ECEL1: variants seen among roughly 807,000 people sequenced by gnomAD.
ECEL1 encodes endothelin converting enzyme like 1, also known as endothelin-converting enzyme-like 1.
In ECEL1, 87 loss-of-function variants were observed where a neutral mutation model predicts 101.8. That is an observed-to-expected ratio of 0.85 (90% confidence interval 0.72 to 1.02). The LOEUF is 1.02. Ranked by LOEUF, ECEL1 falls within the 50% of genes least tolerant of loss-of-function variation. The pLI is 0.00. For missense variants in ECEL1, 1,032 were observed against 1,079.2 expected, an observed-to-expected ratio of 0.96 and a Z score of 0.61; for synonymous variants, 487 against 468.7, an observed-to-expected ratio of 1.04 and a Z score of -0.50.
In ECEL1 at chr2:232,480,395, A is replaced by T. The variant is rs200522532; in HGVS notation, c.2228+4T>A. On this transcript the variant is annotated splice_donor_region_variant and intron_variant, in intron 17 of 17. Coordinates refer to ENST00000304546, the MANE Select transcript of ECEL1 (RefSeq NM_004826.4). ...GACAAGGCCAGGCGGGCAGGTGGGCATACCTGTAGTGCTCAGGGGCATGCT... is the reference window on the plus strand; with the variant it reads ...GACAAGGCCAGGCGGGCAGGTGGGCTTACCTGTAGTGCTCAGGGGCATGCT... The T allele has an allele frequency of 1.2e-4, 196 of 1,613,842 alleles. No individual in the cohort carries two copies. The highest frequency in any genetic ancestry group is 1.7e-4 in the Middle Eastern group (1 of 6,054).
In ECEL1 at chr2:232,484,079, G is replaced by GC; in HGVS notation, c.1328dup (p.Gln444ProfsTer17). On this transcript the variant is annotated frameshift_variant, in exon 7 of 18. Transcript: ENST00000304546. LOFTEE classifies it high-confidence loss of function. ...CCATGCCAAAGTGGCGATTGGCCTG[G>GC]CCCAAGCAGACCCGGGCCAGCTCCT... is the stretch of plus-strand genomic sequence containing the variant. The GC allele has an allele frequency of 6.2e-7, 1 of 1,613,788 alleles. No homozygotes were observed. The highest frequency in any genetic ancestry group is 1.1e-5 in the South Asian group (1 of 91,072).
intron 2 of ECEL1, 52 bp downstream of exon 2, chr2:232,485,816 A>ACTGCGCCCCGGATCCGCGGCCG (rs1315250114): frequency 4.6e-6 from 7 of 1,532,798 alleles, no homozygotes; most frequent in South Asian, 1.2e-5. Context: ...GGGCAAGGCC[A>ACTGCGCCCCGGATCCGCGGCCG]CTGCGCCCCG....
At chr2:232,482,769 G>C in intron 10 of ECEL1, 82 bp downstream of exon 10, 1 of 1,558,294 alleles carries the variant, frequency 6.4e-7, no homozygotes, top group Non-Finnish European at 8.8e-7. Flanking sequence ...TATCTGCATG[G>C]CTGTGAGACG....
chr2:232,485,877 G>C lies in ECEL1; in HGVS notation c.777C>G (p.Tyr259Ter). The change falls in exon 2 of 18, where the codon TAC (tyrosine) becomes TAG (stop). Residue 259 changes from tyrosine to a stop codon, truncating the protein, a stop_gained. Transcript: ENST00000304546. LOFTEE classifies it high-confidence loss of function. ...CAGGGGGCGCACTCACGCGGATGAC[G>C]TAGCGCGAGGAGTTCCTGTCGTCCA... The part of the protein sequence containing the change: ...VSLDDRNSSR[Y>*]VIRIDQDGLT... 6.4e-7 allele frequency: 1 copy of C among 1,555,324 alleles called. No homozygotes were observed. The highest frequency in any genetic ancestry group is 2.4e-5 in the East Asian group (1 of 41,698).
chr2:232,484,061 A>G lies in ECEL1; in HGVS notation c.1347T>C (p.Phe449=), dbSNP rs1690655527. Residue 449 remains phenylalanine (F), a synonymous_variant, in exon 7 of 18, where the codon TTT becomes TTC. Coordinates refer to ENST00000304546, the MANE Select transcript of ECEL1 (RefSeq NM_004826.4). The part of the protein sequence containing the change: ...RVCLGQANRH[F]GMALGALFVH... The stretch of plus-strand genomic sequence containing the variant: ...CAAAGAGGGCGCCAAGCGCCATGCC[A>G]AAGTGGCGATTGGCCTGGCCCAAGC... The G allele has an allele frequency of 6.2e-7, 1 of 1,612,936 alleles. No individual in the cohort carries two copies. Among genetic ancestry groups the G allele is most frequent in the East Asian group, 2.2e-5 (1 of 44,822 alleles).
rs772816522 is a variant in ECEL1, at chr2:232,483,091, G to A, written c.1581+14C>T. ...GGGCTGTGGACAGGCTGGGCAGGCA[G>A]GGTCAGGGCCCACCTCATACTCCTT... On this transcript the variant is annotated intron_variant, in intron 9 of 17. Coordinates refer to ENST00000304546, the MANE Select transcript of ECEL1 (RefSeq NM_004826.4). 10 of 1,609,754 alleles carry A rather than the reference G, an allele frequency of 6.2e-6. No individual in the cohort carries two copies. In the Admixed American group the frequency reaches 8.5e-5, roughly 14 times the overall value.
chr2:232,482,095 C>T (rs1275578832), intron 12 of ECEL1, among the ~76,000 whole-genome samples: 1 of 152,220 alleles, frequency 6.6e-6, no homozygotes, highest in African/African-American at 2.4e-5. Context: ...TGAAACAGGG[C>T]TGGAGGAGAC....
chr2:232,483,780 G>A (rs1690646313), intron 7 of ECEL1, among the ~76,000 whole-genome samples: 1 of 152,226 alleles, frequency 6.6e-6, no homozygotes, highest in Non-Finnish European at 1.5e-5. Context: ...CTGGGGCCTG[G>A]CAGGGAGGTC....
intron 1 of ECEL1, among the ~76,000 whole-genome samples, chr2:232,487,487 G>A (rs1559278360): frequency 6.6e-6 from 1 of 152,078 alleles, no homozygotes. Context: ...AAACTTGGGC[G>A]AAGTTTCACC....
At position 232,483,119 on chromosome 2, in the gene ECEL1, C is replaced by A. The variant is rs550130776; in HGVS notation, c.1567G>T (p.Asp523Tyr). 1 of 1,609,522 alleles carries A rather than the reference C, an allele frequency of 6.2e-7. No homozygotes were observed. The highest frequency in any genetic ancestry group is 2.2e-5 in the East Asian group (1 of 44,728). ...PDFLLKPDAV[D>Y]KEYEFEVHEK... ...TCAGGGCCCACCTCATACTCCTTGTCCACAGCATCGGGTTTCAGCAGGAAG... is the reference window on the plus strand; with the variant it reads ...TCAGGGCCCACCTCATACTCCTTGTACACAGCATCGGGTTTCAGCAGGAAG... Residue 523 changes from aspartate to tyrosine, a missense_variant, in exon 9 of 18, where the codon GAC becomes TAC. Asp to Tyr is a radical substitution (Grantham distance 160). Transcript: ENST00000304546.
At chr2:232,481,955 G>T in intron 12 of ECEL1, 106 bp from the exon 13 acceptor site, 1 of 1,485,368 alleles carries the variant, frequency 6.7e-7, no homozygotes, top group Non-Finnish European at 9.2e-7. Context: ...AGGTGGCACA[G>T]GGAGGCCACA....
chr2:232,485,760 C>A, intron 2 of ECEL1, 108 bp downstream of exon 2: 1 of 1,392,366 alleles, frequency 7.2e-7, no homozygotes, highest in Admixed American at 2.1e-5. Flanking sequence ...CTCGTCTCTT[C>A]CCTCCTCTCC....
At chr2:232,481,672 CCCCCT>C in intron 13 of ECEL1, 42 bp from the exon 14 acceptor site, 2 of 991,322 alleles carry the variant, frequency 2.0e-6, no homozygotes, top group Non-Finnish European at 2.8e-6. Context: ...CTCACCTGAG[CCCCCT>C]CCCCTCCCCA....
In ECEL1 at chr2:232,485,990, C is replaced by G; in HGVS notation, c.664G>C (p.Val222Leu). The change falls in exon 2 of 18, where the codon GTC becomes CTC. Residue 222 changes from valine (V) to leucine (L), a missense_variant. Physicochemically the swap from Val to Leu is conservative, Grantham distance 32. Coordinates refer to ENST00000304546, the MANE Select transcript of ECEL1 (RefSeq NM_004826.4). ...DLGGAEERPG[V>L]AARWDLNRLL... ...CGGTTGAGGTCCCATCGCGCCGCGA[C>G]CCCCGGACGCTCCTCCGCGCCGCCC... The G allele has an allele frequency of 1.2e-6, 2 of 1,605,418 alleles. No homozygotes were observed. The highest frequency in any genetic ancestry group is 1.3e-5 in the African/African-American group (1 of 74,964).
Position 232,483,233 on chromosome 2 carries a change from G to C in ECEL1, c.1507-54C>G, listed in dbSNP as rs1039557294. The C allele has an allele frequency of 1.5e-5, 24 of 1,565,458 alleles. No homozygotes were observed. In the African/African-American group the frequency reaches 3.1e-4, roughly 20 times the overall value. Reference sequence around the variant, plus strand: ...ACCAGGCCTCGGGAGACAGCCCCCCGCCCCCCACCCTACCCACCAAGGAAG... The same window carrying C: ...ACCAGGCCTCGGGAGACAGCCCCCCCCCCCCCACCCTACCCACCAAGGAAG... On this transcript the variant is annotated intron_variant, in intron 8 of 17. Transcript: ENST00000304546.
intron 17 of ECEL1, 38 bp from the exon 18 acceptor site, chr2:232,480,290 C>A (rs1288224304): frequency 1.2e-6 from 2 of 1,611,522 alleles, no homozygotes; most frequent in African/African-American, 1.3e-5. Flanking sequence ...TTGGGCCCTG[C>A]AGCCACTCCA....
chr2:232,486,233 G>C lies in ECEL1; in HGVS notation c.421C>G (p.Pro141Ala). 5.0e-6 allele frequency: 8 copies of C among 1,601,452 alleles called. No homozygotes were observed. The highest frequency in any genetic ancestry group is 6.8e-6 in the Non-Finnish European group (8 of 1,178,440). ...GTGCCATAGGTGAGCTTGTCGTCGG[G>C]GATGGCGTGGCGCCGCAGCCAACCG... ...CGGWLRRHAI[P>A]DDKLTYGTIA... is the part of the protein sequence containing the mutation. Residue 141 changes from proline to alanine, a missense_variant, in exon 2 of 18, where the codon CCC (proline) becomes GCC (alanine). Coordinates refer to ENST00000304546, the MANE Select transcript of ECEL1 (RefSeq NM_004826.4).
intron 9 of ECEL1, 45 bp downstream of exon 9, chr2:232,483,060 G>A (rs757285509): frequency 5.0e-6 from 8 of 1,612,160 alleles, no homozygotes; most frequent in South Asian, 4.4e-5. Flanking sequence ...AGTGCCGTTA[G>A]TAGAGGGGCT....
Position 232,483,911 on chromosome 2 carries a change from T to C in ECEL1, c.1407+90A>G, listed in dbSNP as rs1431312883. ...CTGGTCCCCCTGCCTGCAGGGGACA[T>C]GTGGGGCTCCCCATATTAGGACCAT... On this transcript the variant is annotated intron_variant, in intron 7 of 17. Coordinates refer to ENST00000304546, the MANE Select transcript of ECEL1 (RefSeq NM_004826.4). 3.6e-6 allele frequency: 5 copies of C among 1,391,704 alleles called. No homozygotes were observed. In the South Asian group the frequency reaches 4.2e-5, roughly 12 times the overall value. The allele number at this position is 1,391,704 out of a possible 1,614,324, so 86.2% of individuals were successfully genotyped here. A position where few individuals can be genotyped will look rare whatever the true frequency, so the allele number is the denominator to read the frequency against.
Sources: gnomAD v4.1 joint callset for allele counts (sites outside exome capture counted in the v4.1 genomes callset) on GRCh38, gnomAD v4.1.1 for gene constraint, MANE v1.5 for transcripts, NCBI Gene and HGNC (gene_info 2026-07-23, HGNC 2026-07-21) for gene names.